Variants in CEP350 observed in about 807,000 individuals in gnomAD.
CEP350 encodes centrosomal protein 350, also known as centrosome-associated protein 350.
A neutral mutation model predicts 331.8 loss-of-function variants in CEP350; 126 were observed. That is an observed-to-expected ratio of 0.38 (90% CI 0.33 to 0.44). The LOEUF is 0.44. CEP350 is among the 20% of genes least tolerant of loss of function. The pLI is 1.00. For synonymous variants in CEP350, 1,200 were observed against 1,259.5 expected (o/e 0.95, Z 1.00); for missense variants, 3,406 against 3,634.6 (o/e 0.94, Z 1.62).
Position 180,003,245 on chromosome 1 carries a change from A to G in CEP350, c.1090A>G (p.Met364Val), listed in dbSNP as rs751696185. 1.2e-6 allele frequency: 2 copies of G among 1,613,084 alleles called. No individual in the cohort carries two copies. Among genetic ancestry groups the G allele is most frequent in the Non-Finnish European group, 1.7e-6 (2 of 1,179,564 alleles). Residue 364 changes from methionine (M) to valine (V), a missense_variant, in exon 7 of 38, where the codon ATG becomes GTG. Met to Val is a conservative substitution (Grantham distance 21). Around this residue, in one of 5 missense-constraint regions of CEP350, gnomAD observed 1,857 missense variants for 1,909.2 expected, o/e 0.97. Transcript: ENST00000367607. Reference protein sequence around the residue: ...KVWQEAEFQNMSRELYRDLAL... With the variant: ...KVWQEAEFQNVSRELYRDLAL... Reference sequence around the variant, plus strand: ...GTGGCAGGAGGCTGAGTTTCAAAACATGAGTAGAGAACTGTATCGAGATTT... The same window carrying G: ...GTGGCAGGAGGCTGAGTTTCAAAACGTGAGTAGAGAACTGTATCGAGATTT...
chr1:179,971,503 T>C (rs555011509), intron 1 of CEP350, among the ~76,000 whole-genome samples: 2 of 152,182 alleles, frequency 1.3e-5, no homozygotes, highest in South Asian at 4.1e-4. Flanking sequence ...AAAAATTTTT[T>C]TTTGTGGACA....
chr1:180,030,589 C>T (rs1241048482), intron 14 of CEP350, among the ~76,000 whole-genome samples: 1 of 151,752 alleles, frequency 6.6e-6, no homozygotes, highest in African/African-American at 2.4e-5. Flanking sequence ...TATTAAGCCC[C>T]ATAGATCTCT....
chr1:180,042,381 AT>A (rs1253625800), intron 19 of CEP350, among the ~76,000 whole-genome samples: 9 of 152,236 alleles, frequency 5.9e-5, no homozygotes, highest in African/African-American at 2.2e-4. Flanking sequence ...GGATATCACA[AT>A]TCATAATTGA....
chr1:180,021,870 A>C (rs184855815), intron 12 of CEP350, among the ~76,000 whole-genome samples: 40 of 152,260 alleles, frequency 2.6e-4, no homozygotes, highest in Admixed American at 2.6e-3. Context: ...GTAACTTCTA[A>C]AGTTCCCTTC....
Position 180,016,097 on chromosome 1 carries a change from C to G in CEP350, c.2174+127C>G, listed in dbSNP as rs1022327181. 6 of 1,114,026 alleles carry G rather than the reference C, an allele frequency of 5.4e-6. No homozygotes were observed. In the African/African-American group the frequency reaches 7.8e-5, roughly 14 times the overall value. 69.0% of individuals were successfully genotyped at this position (1,114,026 alleles called of 1,614,324 possible). On this transcript the variant is annotated intron_variant, in intron 11 of 37. Transcript: ENST00000367607. ...AGAGAGGTTTATTTACAAATTGGTT[C>G]ATATCTTCTGAAATTTAGGCATAGT...
chr1:180,063,081 G>A (rs1404454524), intron 26 of CEP350, among the ~76,000 whole-genome samples: 2 of 152,054 alleles, frequency 1.3e-5, no homozygotes, highest in Admixed American at 1.3e-4. Context: ...CAGAATTAAT[G>A]GGGGAGACTG....
rs1655939119 is a variant in CEP350 at position 180,030,309 on chromosome 1, A to ATATATGTATATATATACATATGTGTG, written c.3551-1005_3551-980dup. Among the ~76,000 whole-genome samples the ATATATGTATATATATACATATGTGTG allele has an allele frequency of 2.1e-5, 3 of 144,592 alleles. No individual in the cohort carries two copies. In the South Asian group the frequency reaches 6.5e-4, roughly 31 times the overall value. 94.9% of individuals were successfully genotyped at this position (144,592 alleles called of 152,430 possible). On this transcript the variant is annotated intron_variant, in intron 14 of 37. Transcript: ENST00000367607. ...TATATACACATAAGTATATATGTGT[A>ATATATGTATATATATACATATGTGTG]TATATGTATATATATACATATGTGT...
chr1:180,011,804 A>G, intron 8 of CEP350, 125 bp from the exon 9 acceptor site: 1 of 632,746 alleles, frequency 1.6e-6, no homozygotes. Context: ...AAATATCATT[A>G]TATTGTAAAT....
intron 6 of CEP350, among the ~76,000 whole-genome samples, chr1:179,999,515 T>G (rs901948627): frequency 2.0e-5 from 3 of 152,160 alleles, no homozygotes; most frequent in African/African-American, 7.2e-5. Flanking sequence ...TTCTGCCAAC[T>G]TTTTGGTAGT....
At chr1:180,012,828 A>T (rs1258587643) in intron 9 of CEP350, among the ~76,000 whole-genome samples, 1 of 152,218 alleles carries the variant, frequency 6.6e-6, no homozygotes, top group East Asian at 1.9e-4. Context: ...AAATACGCTC[A>T]TGTGTATTCC....
intron 10 of CEP350, among the ~76,000 whole-genome samples, chr1:180,015,566 G>T (rs948418161): frequency 6.6e-6 from 1 of 152,036 alleles, no homozygotes; most frequent in Non-Finnish European, 1.5e-5. Flanking sequence ...AGACAGGGTC[G>T]CACTGTGTTG....
chr1:179,971,481 A>G (rs937159659), intron 1 of CEP350, among the ~76,000 whole-genome samples: 1 of 150,686 alleles, frequency 6.6e-6, no homozygotes, highest in Non-Finnish European at 1.5e-5. Context: ...ATGCCACCAC[A>G]CCTGGCTAAT....
intron 3 of CEP350, among the ~76,000 whole-genome samples, chr1:179,989,674 T>C (rs2501618): frequency 0.81 from 122,886 of 152,054 alleles, 49,997 homozygotes; most frequent in Admixed American, 0.87. Flanking sequence ...GTGGTTATAA[T>C]CAAAAGTTGA....
chr1:180,044,043 A>C lies in CEP350; in HGVS notation c.4500-8A>C, dbSNP rs1159902814. Reference sequence around the variant, plus strand: ...TGAATGTTTAATCAGTTTTTATTTTATTTGTAGGAAAAGTCCATCTGTTTC... The same window carrying C: ...TGAATGTTTAATCAGTTTTTATTTTCTTTGTAGGAAAAGTCCATCTGTTTC... On this transcript the variant is annotated splice_region_variant and splice_polypyrimidine_tract_variant and intron_variant, in intron 20 of 37. Transcript: ENST00000367607. 2 of 1,518,242 alleles carry C rather than the reference A, an allele frequency of 1.3e-6. No homozygotes were observed. The highest frequency in any genetic ancestry group is 1.8e-6 in the Non-Finnish European group (2 of 1,138,158). The allele number at this position is 1,518,242 out of a possible 1,614,324, so 94.0% of individuals were successfully genotyped here.
rs1209269565 is a variant in CEP350 at position 180,034,072 on chromosome 1, T to A, written c.3936T>A (p.Ala1312=). Residue 1312 remains alanine, a synonymous_variant, in exon 16 of 38, where the codon GCT becomes GCA. Transcript: ENST00000367607. ...AASRTTTENM[A]PIPGSKRFSP... Reference sequence around the variant, plus strand: ...GCAGAACAACGACAGAGAACATGGCTCCAATACCAGGTAAGTAGATTCATG... The same window carrying A: ...GCAGAACAACGACAGAGAACATGGCACCAATACCAGGTAAGTAGATTCATG... 6.2e-7 allele frequency: 1 copy of A among 1,613,224 alleles called. No individual in the cohort carries two copies. Among genetic ancestry groups the A allele is most frequent in the Non-Finnish European group, 8.5e-7 (1 of 1,179,578 alleles).
chr1:179,986,121 A>G, intron 1 of CEP350, 48 bp from the exon 2 acceptor site: 8 of 1,401,296 alleles, frequency 5.7e-6, no homozygotes, highest in Non-Finnish European at 7.8e-6. Flanking sequence ...TTCTAAGGAA[A>G]AGTAATATTA....
Position 180,111,223 on chromosome 1 carries a change from A to G in CEP350, c.*62A>G. Reference sequence around the variant, plus strand: ...GAGTCCTGGGCCTTTCTGCCTCCTGATGTACACCCATCGCCATCATAGCAA... The same window carrying G: ...GAGTCCTGGGCCTTTCTGCCTCCTGGTGTACACCCATCGCCATCATAGCAA... On this transcript the variant is annotated 3_prime_UTR_variant, in exon 38 of 38. Transcript: ENST00000367607. 1.9e-6 allele frequency: 3 copies of G among 1,572,746 alleles called. No homozygotes were observed. Among genetic ancestry groups the G allele is most frequent in the Non-Finnish European group, 2.6e-6 (3 of 1,152,676 alleles).
chr1:179,984,359 G>A (rs536877246), intron 1 of CEP350, among the ~76,000 whole-genome samples: 1 of 152,232 alleles, frequency 6.6e-6, no homozygotes, highest in African/African-American at 2.4e-5. Flanking sequence ...TAAGGTTGCA[G>A]TCAGGATGTC....
chr1:179,979,255 A>G (rs1652099138), intron 1 of CEP350, among the ~76,000 whole-genome samples: 1 of 152,100 alleles, frequency 6.6e-6, no homozygotes, highest in African/African-American at 2.4e-5. Flanking sequence ...GGTAATAGCC[A>G]TTCTAACTGG....
Sources: allele counts gnomAD v4.1 joint callset (sites outside exome capture counted in the v4.1 genomes callset), GRCh38; gene constraint gnomAD v4.1.1; regional missense constraint gnomAD v4.1.1; transcripts MANE v1.5; gene names NCBI Gene and HGNC (gene_info 2026-07-23, HGNC 2026-07-21).